Variants in CLYBL observed in about 807,000 individuals in gnomAD.
The protein encoded by CLYBL is citramalyl-CoA lyase.
A neutral mutation model predicts 38.9 loss-of-function variants in CLYBL; 31 were observed. The observed-to-expected ratio is 0.80, with a 90% CI of 0.60 to 1.08. The LOEUF (loss-of-function observed/expected upper bound fraction) is 1.08. Ranked by LOEUF, CLYBL falls within the 50% of genes least tolerant of loss-of-function variation. CLYBL has a pLI of 0.00. For missense variants in CLYBL, 434 were observed against 411.6 expected (o/e 1.05, Z -0.47); for synonymous variants, 171 against 158.6 (o/e 1.08, Z -0.59).
intron 1 of CLYBL, among the ~76,000 whole-genome samples, chr13:99,716,270 C>T (rs1328834898): frequency 9.9e-5 from 14 of 142,034 alleles, no homozygotes; most frequent in Non-Finnish European, 2.0e-4. Flanking sequence ...CTCAGCCTCC[C>T]GAATAGCTGA....
intron 2 of CLYBL, among the ~76,000 whole-genome samples, chr13:99,794,386 C>G (rs1395164871): frequency 6.6e-6 from 1 of 152,068 alleles, no homozygotes; most frequent in East Asian, 1.9e-4. Context: ...CACCACTGCA[C>G]TCCAGCGTGG....
At chr13:99,686,536 G>T (rs977475499) in intron 1 of CLYBL, among the ~76,000 whole-genome samples, 7 of 145,778 alleles carry the variant, frequency 4.8e-5, no homozygotes, top group Admixed American at 4.2e-4. Flanking sequence ...GAGAGAGAGA[G>T]ACTCAGTGAC....
At chr13:99,852,147 A>AG (rs1372595795) in intron 2 of CLYBL, among the ~76,000 whole-genome samples, 1 of 152,238 alleles carries the variant, frequency 6.6e-6, no homozygotes, top group Non-Finnish European at 1.5e-5. Flanking sequence ...TAGAGGCAGA[A>AG]GGTAGAATAG....
intron 2 of CLYBL, among the ~76,000 whole-genome samples, chr13:99,809,580 T>C (rs2050299658): frequency 6.6e-6 from 1 of 152,256 alleles, no homozygotes; most frequent in Admixed American, 6.5e-5. Flanking sequence ...ACCTTTCCCC[T>C]CATGGGGGAA....
At chr13:99,856,887 C>A (rs1026283573) in intron 2 of CLYBL, among the ~76,000 whole-genome samples, 1 of 151,818 alleles carries the variant, frequency 6.6e-6, no homozygotes, top group Non-Finnish European at 1.5e-5. Flanking sequence ...GATCCACCCC[C>A]TCAGCCTCTC....
chr13:99,830,117 C>T (rs1007304433), intron 2 of CLYBL, among the ~76,000 whole-genome samples: 6 of 152,142 alleles, frequency 3.9e-5, no homozygotes, highest in East Asian at 1.9e-4. Context: ...ATCTCTCTCT[C>T]GGACTTTTGT....
At chr13:99,841,293 A>T (rs1192729267) in intron 2 of CLYBL, among the ~76,000 whole-genome samples, 1 of 152,248 alleles carries the variant, frequency 6.6e-6, no homozygotes, top group Non-Finnish European at 1.5e-5. Flanking sequence ...ACTAGATGCC[A>T]TAGGAGAGAA....
chr13:99,727,383 CTT>C (rs2048496119), intron 1 of CLYBL: 3 of 152,170 alleles, frequency 2.0e-5, no homozygotes, highest in African/African-American at 7.2e-5. Flanking sequence ...GCCTCCACCT[CTT>C]TTCTAGGATT....
chr13:99,880,064 A>ATT (rs1489881415), intron 7 of CLYBL, among the ~76,000 whole-genome samples: 2 of 61,884 alleles, frequency 3.2e-5, no homozygotes, highest in African/African-American at 5.2e-5. Flanking sequence ...ATATATATAT[A>ATT]TATATTTTTT....
At chr13:99,847,216 G>A (rs548721072) in intron 2 of CLYBL, among the ~76,000 whole-genome samples, 12 of 152,128 alleles carry the variant, frequency 7.9e-5, no homozygotes, top group East Asian at 3.9e-4. Context: ...TTGATTTACC[G>A]TTAAAAAGAG....
intron 7 of CLYBL, among the ~76,000 whole-genome samples, chr13:99,871,276 C>T (rs753774673): frequency 2.0e-5 from 3 of 152,074 alleles, no homozygotes; most frequent in Non-Finnish European, 4.4e-5. Context: ...CTCTCAAGTC[C>T]CTCATTTTAT....
At chr13:99,643,833 C>T (rs2139277078) in intron 1 of CLYBL, among the ~76,000 whole-genome samples, 1 of 151,928 alleles carries the variant, frequency 6.6e-6, no homozygotes, top group Admixed American at 6.6e-5. Context: ...TGGTGAAACC[C>T]CGTCTCCACT....
At chr13:99,745,791 GT>G (rs1463705837) in intron 1 of CLYBL, among the ~76,000 whole-genome samples, 1 of 151,360 alleles carries the variant, frequency 6.6e-6, no homozygotes, top group Non-Finnish European at 1.5e-5. Context: ...CTCAGACTGT[GT>G]TTTTTTCTAA....
chr13:99,699,656 G>A (rs1457803119), intron 1 of CLYBL, among the ~76,000 whole-genome samples: 1 of 150,524 alleles, frequency 6.6e-6, no homozygotes, highest in African/African-American at 2.4e-5. Context: ...TCGCGCCACC[G>A]TACTCCAGCC....
At chr13:99,714,541 G>A (rs754240445) in intron 1 of CLYBL, among the ~76,000 whole-genome samples, 1 of 151,944 alleles carries the variant, frequency 6.6e-6, no homozygotes, top group Non-Finnish European at 1.5e-5. Context: ...TGCTTGAACC[G>A]GGGAGGTAGA....
chr13:99,832,465 C>T (rs953908858), intron 2 of CLYBL, among the ~76,000 whole-genome samples: 5 of 152,132 alleles, frequency 3.3e-5, no homozygotes, highest in African/African-American at 4.8e-5. Context: ...AAGAAGCCAA[C>T]GTATAGACAG....
chr13:99,890,299 C>T (rs1336473946), intron 7 of CLYBL, among the ~76,000 whole-genome samples: 1 of 152,012 alleles, frequency 6.6e-6, no homozygotes, highest in African/African-American at 2.4e-5. Context: ...CCTCAGTTTC[C>T]TCATCTAAAA....
chr13:99,677,022 G>A (rs1404174113), intron 1 of CLYBL, among the ~76,000 whole-genome samples: 1 of 151,106 alleles, frequency 6.6e-6, no homozygotes, highest in African/African-American at 2.4e-5. Context: ...AGCACAAATT[G>A]TCCCCTTTTT....
chr13:99,671,794 A>AT (rs34217364), intron 1 of CLYBL, among the ~76,000 whole-genome samples: 1 of 67,528 alleles, frequency 1.5e-5, no homozygotes, highest in African/African-American at 4.5e-5. Context: ...AAAAAAAAAA[A>AT]ATAATAAAAG....
Sources: allele counts gnomAD v4.1 joint callset (sites outside exome capture counted in the v4.1 genomes callset), GRCh38; gene constraint gnomAD v4.1.1; transcripts MANE v1.5; gene names NCBI Gene and HGNC (gene_info 2026-07-23, HGNC 2026-07-21).